SRFBP1: variants seen among roughly 807,000 people sequenced by gnomAD.
SRFBP1 encodes serum response factor binding protein 1, also known as serum response factor-binding protein 1.
In SRFBP1, 47 loss-of-function variants were observed where a neutral mutation model predicts 45.5. The observed-to-expected ratio is 1.03, with a 90% CI of 0.82 to 1.32. The LOEUF is 1.32. SRFBP1 is among the 40% of genes most tolerant of loss of function. The probability of loss-of-function intolerance (pLI) is 0.00; values close to 1 mark genes in which losing one functional copy is unlikely to be tolerated. For missense variants in SRFBP1, 621 were observed against 484.6 expected, an observed-to-expected ratio of 1.28 and a Z score of -2.64; for synonymous variants, 203 against 166.3, an observed-to-expected ratio of 1.22 and a Z score of -1.70.
chr5:121,962,252 A>G (rs971472950), intron 1 of SRFBP1, among the ~76,000 whole-genome samples, 184 bp downstream of exon 1: 4 of 152,198 alleles, frequency 2.6e-5, no homozygotes, highest in Admixed American at 1.3e-4. Context: ...CCAGGTGACT[A>G]AAGTGAGAGA....
chr5:121,979,394 C>G (rs749744171), intron 3 of SRFBP1, among the ~76,000 whole-genome samples: 23 of 151,800 alleles, frequency 1.5e-4, no homozygotes, highest in South Asian at 2.1e-4. Flanking sequence ...AGTTTTTTTT[C>G]CTATGAATGC....
chr5:121,990,556 A>G (rs1752599173), intron 3 of SRFBP1, among the ~76,000 whole-genome samples: 1 of 152,154 alleles, frequency 6.6e-6, no homozygotes. Flanking sequence ...CTGTACATGT[A>G]CCCTTGTATC....
intron 4 of SRFBP1, among the ~76,000 whole-genome samples, chr5:122,003,776 C>A (rs942705599): frequency 6.6e-6 from 1 of 152,060 alleles, no homozygotes; most frequent in Non-Finnish European, 1.5e-5. Flanking sequence ...GGTGATATCT[C>A]GTTACGGTTT....
intron 2 of SRFBP1, among the ~76,000 whole-genome samples, chr5:122,067,445 C>G (rs1264831616): frequency 6.6e-6 from 1 of 152,032 alleles, no homozygotes; most frequent in Non-Finnish European, 1.5e-5. Flanking sequence ...TACTGGGTGG[C>G]TTTTACACAT....
intron 2 of SRFBP1, among the ~76,000 whole-genome samples, chr5:122,060,222 C>G (rs1374972477): frequency 1.3e-5 from 2 of 151,936 alleles, no homozygotes; most frequent in Non-Finnish European, 2.9e-5. Context: ...TAAGGGGGTT[C>G]TTAACAGAAA....
chr5:122,050,758 A>G (rs1181868340), intron 2 of SRFBP1, among the ~76,000 whole-genome samples: 2 of 151,678 alleles, frequency 1.3e-5, no homozygotes, highest in Non-Finnish European at 2.9e-5. Flanking sequence ...CCTTCAGCTC[A>G]CCTCTGATTT....
chr5:121,967,799 A>G (rs1288044574), intron 1 of SRFBP1, among the ~76,000 whole-genome samples: 2 of 152,228 alleles, frequency 1.3e-5, no homozygotes, highest in African/African-American at 4.8e-5. Context: ...AGATCACACA[A>G]CTACTCTCCT....
downstream of SRFBP1, among the ~76,000 whole-genome samples, chr5:122,031,135 A>G (rs1002173811): frequency 6.6e-6 from 1 of 152,216 alleles, no homozygotes; most frequent in African/African-American, 2.4e-5. Flanking sequence ...CAGGCATTTA[A>G]GGAAATCTGT....
chr5:122,011,954 T>C (rs112929682), intron 4 of SRFBP1, among the ~76,000 whole-genome samples: 1 of 152,270 alleles, frequency 6.6e-6, no homozygotes, highest in African/African-American at 2.4e-5. Flanking sequence ...TTATATTTCA[T>C]TTATTTTCAA....
At chr5:122,046,661 C>A (rs967200194) in intron 2 of SRFBP1, among the ~76,000 whole-genome samples, 23 of 152,176 alleles carry the variant, frequency 1.5e-4, no homozygotes, top group African/African-American at 5.6e-4. Flanking sequence ...ACAATCCCAC[C>A]AACAGTGTAA....
chr5:122,076,533 C>G (rs1194916086), downstream of SRFBP1, among the ~76,000 whole-genome samples: 1 of 152,124 alleles, frequency 6.6e-6, no homozygotes, highest in Non-Finnish European at 1.5e-5. Context: ...TATTAACACA[C>G]CCTTCCATTA....
At chr5:122,077,913 C>A, downstream of SRFBP1, 1 of 1,513,308 alleles carries the variant, frequency 6.6e-7, no homozygotes, top group Non-Finnish European at 8.8e-7. This position sits in a 1 kb window ranked among gnomAD's most constrained non-coding sequence, Gnocchi z 4.9. Context: ...TGGCCGGCGG[C>A]GGGAGGGGCG....
chr5:122,032,302 A>ACTGTT (rs1753602620), downstream of SRFBP1, among the ~76,000 whole-genome samples: 1 of 150,934 alleles, frequency 6.6e-6, no homozygotes, highest in Admixed American at 6.6e-5. Flanking sequence ...AAACGGCAAC[A>ACTGTT]CTGTTCGTGA....
downstream of SRFBP1, among the ~76,000 whole-genome samples, chr5:122,029,027 A>G (rs1156322999): frequency 6.6e-6 from 1 of 152,148 alleles, no homozygotes; most frequent in African/African-American, 2.4e-5. Flanking sequence ...GAATGGGTCT[A>G]CAAGAGCCAT....
intron 1 of SRFBP1, among the ~76,000 whole-genome samples, chr5:121,962,513 G>T (rs1001166624): frequency 6.6e-6 from 1 of 152,190 alleles, no homozygotes; most frequent in Non-Finnish European, 1.5e-5. Context: ...GAAATTGGTG[G>T]TCTTGAATGA....
At chr5:121,962,800 C>T (rs1751977982) in intron 1 of SRFBP1, among the ~76,000 whole-genome samples, 1 of 152,130 alleles carries the variant, frequency 6.6e-6, no homozygotes. Context: ...AAGCTGGAAA[C>T]ATAAGGATCG....
chr5:122,008,066 A>C (rs1378445250), intron 4 of SRFBP1, among the ~76,000 whole-genome samples: 1 of 152,112 alleles, frequency 6.6e-6, no homozygotes, highest in Non-Finnish European at 1.5e-5. Flanking sequence ...TTGGAGGCTT[A>C]GTCTGAATGT....
rs570971229 is a variant in SRFBP1 at position 121,969,310 on chromosome 5, G to A, written c.37-4886G>A. On this transcript the variant is annotated intron_variant, in intron 1 of 7. Coordinates refer to ENST00000339397, the MANE Select transcript of SRFBP1 (RefSeq NM_152546.3). ...TTGGTATGTAGAAATACAGAAAGGG[G>A]TTTTAGTTGCATGATTCATGTTGAG... 4.6e-4 allele frequency among the ~76,000 whole-genome samples: 70 copies of A among 152,174 alleles called. 1 individual carries two copies. Among genetic ancestry groups the A allele is most frequent in the African/African-American group, 1.6e-3 (68 of 41,516 alleles).
chr5:122,057,147 T>A (rs995670554), intron 2 of SRFBP1, among the ~76,000 whole-genome samples: 2 of 152,234 alleles, frequency 1.3e-5, no homozygotes, highest in Non-Finnish European at 2.9e-5. Context: ...GGTCAAAGTT[T>A]TCCCATGATA....
Sources: allele counts gnomAD v4.1 joint callset (sites outside exome capture counted in the v4.1 genomes callset), GRCh38; gene constraint gnomAD v4.1.1; non-coding constraint Gnocchi (gnomAD v3.1); transcripts MANE v1.5; gene names NCBI Gene and HGNC (gene_info 2026-07-23, HGNC 2026-07-21).